USP46: variants seen among roughly 807,000 people sequenced by gnomAD.
USP46 encodes ubiquitin specific peptidase 46.
USP46 carries 12 observed loss-of-function variants against 44.4 expected under a neutral mutation model. The observed-to-expected ratio is 0.27, with a 90% CI of 0.17 to 0.44. The LOEUF (loss-of-function observed/expected upper bound fraction) is 0.44. Among genes scored for constraint, USP46 ranks in the 20% least tolerant of loss-of-function variants. The probability of loss-of-function intolerance (pLI) is 1.00; values close to 1 mark genes in which losing one functional copy is unlikely to be tolerated. For synonymous variants in USP46, 155 were observed against 161.5 expected (o/e 0.96, Z 0.31); for missense variants, 248 against 444.8 (o/e 0.56, Z 3.98).
chr4:52,610,918 T>G (rs546929984), intron 4 of USP46, among the ~76,000 whole-genome samples: 1 of 152,140 alleles, frequency 6.6e-6, no homozygotes, highest in Non-Finnish European at 1.5e-5. Flanking sequence ...GTAGGGAGTA[T>G]TATTAAATAT....
chr4:52,626,656 G>A (rs1717599346), intron 3 of USP46, among the ~76,000 whole-genome samples: 1 of 152,118 alleles, frequency 6.6e-6, no homozygotes, highest in South Asian at 2.1e-4. Context: ...AGGATGGACA[G>A]GTATGGAATA....
Position 52,592,355 on chromosome 4 carries a change from C to A in USP46, c.*5285G>T, listed in dbSNP as rs1258651055. ...TGGGCTATCTTTAGTACTAACCCCA[C>A]AACCAAAATTTTCCTTCAGTAAAAG... On this transcript the variant is annotated 3_prime_UTR_variant, in exon 9 of 9. Transcript: ENST00000441222. 2 of 152,212 alleles carry A rather than the reference C, an allele frequency of 1.3e-5. No homozygotes were observed. The highest frequency in any genetic ancestry group is 2.9e-5 in the Non-Finnish European group (2 of 68,048). The allele number at this position is 152,212 out of a possible 1,614,324, so 9.4% of individuals were successfully genotyped here.
chr4:52,635,806 T>C (rs1047706832), intron 1 of USP46, among the ~76,000 whole-genome samples: 2 of 152,148 alleles, frequency 1.3e-5, no homozygotes, highest in African/African-American at 4.8e-5. Context: ...TAAACAACTG[T>C]TTATTCTGAA....
intron 5 of USP46, among the ~76,000 whole-genome samples, chr4:52,605,321 G>C (rs757030762): frequency 6.6e-6 from 1 of 152,004 alleles, no homozygotes; most frequent in Non-Finnish European, 1.5e-5. Flanking sequence ...TGCTACTTAC[G>C]GTTTTTATTT....
chr4:52,620,132 G>A (rs1717325302), intron 4 of USP46, among the ~76,000 whole-genome samples: 1 of 152,144 alleles, frequency 6.6e-6, no homozygotes, highest in African/African-American at 2.4e-5. Context: ...TAACAAGCTA[G>A]GTAAAAGCTT....
Position 52,597,065 on chromosome 4 carries a change from T to C in USP46, c.*575A>G, listed in dbSNP as rs1051486401. On this transcript the variant is annotated 3_prime_UTR_variant, in exon 9 of 9. Coordinates refer to ENST00000441222, the MANE Select transcript of USP46 (RefSeq NM_022832.4). ...CACCAGCCGCCACGGACAGCTTCTCTTCACCCTGTTTCATGTCAAGGATGA... is the reference window on the plus strand; with the variant it reads ...CACCAGCCGCCACGGACAGCTTCTCCTCACCCTGTTTCATGTCAAGGATGA... 1.4e-4 allele frequency: 21 copies of C among 153,536 alleles called. No homozygotes were observed. Among genetic ancestry groups the C allele is most frequent in the African/African-American group, 4.8e-4 (20 of 41,468 alleles). 9.5% of individuals were successfully genotyped at this position (153,536 alleles called of 1,614,324 possible).
intron 5 of USP46, among the ~76,000 whole-genome samples, chr4:52,610,027 G>A (rs560363377): frequency 7.5e-5 from 10 of 132,578 alleles, no homozygotes; most frequent in South Asian, 2.6e-4. Context: ...CCGGGTTCAC[G>A]CCATTCTCCT....
chr4:52,610,504 C>T, intron 5 of USP46, 37 bp downstream of exon 5: 1 of 1,587,506 alleles, frequency 6.3e-7, no homozygotes, highest in Non-Finnish European at 8.6e-7. Flanking sequence ...AGTTACAAGC[C>T]TGATCAAAAG....
In USP46 at chr4:52,597,618, A is replaced by G. The variant is rs1418845866; in HGVS notation, c.*22T>C. Reference sequence around the variant, plus strand: ...TGCTGTGAACATTCTCCCCACGTGAATCAGTCCCGCAGGTCTTTCAGTTAC... The same window carrying G: ...TGCTGTGAACATTCTCCCCACGTGAGTCAGTCCCGCAGGTCTTTCAGTTAC... On this transcript the variant is annotated 3_prime_UTR_variant, in exon 9 of 9. Transcript: ENST00000441222. The G allele has an allele frequency of 6.6e-7, 1 of 1,516,002 alleles. No individual in the cohort carries two copies. The highest frequency in any genetic ancestry group is 9.0e-7 in the Non-Finnish European group (1 of 1,111,876). The allele number at this position is 1,516,002 out of a possible 1,614,324, so 93.9% of individuals were successfully genotyped here. A position where few individuals can be genotyped will look rare whatever the true frequency, so the allele number is the denominator to read the frequency against.
At chr4:52,623,857 T>C (rs563005173) in intron 4 of USP46, among the ~76,000 whole-genome samples, 29 of 152,096 alleles carry the variant, frequency 1.9e-4, no homozygotes, top group Middle Eastern at 6.8e-3. Context: ...GAGGCAGAGG[T>C]TGGAGCGAGC....
intron 7 of USP46, 130 bp downstream of exon 7, chr4:52,601,727 C>CT (rs1716480212): frequency 3.2e-5 from 26 of 825,184 alleles, no homozygotes; most frequent in Middle Eastern, 7.7e-4. Flanking sequence ...TTGTGATGAT[C>CT]AGTAAGAGTT....
intron 1 of USP46, chr4:52,655,176 G>T (rs921386066): frequency 6.6e-6 from 1 of 152,196 alleles, no homozygotes. Context: ...ACAGCTGCTG[G>T]GAGTTTATTC....
At chr4:52,658,061 C>G (rs1719019782) in intron 1 of USP46, 2 of 357,112 alleles carry the variant, frequency 5.6e-6, no homozygotes, top group East Asian at 7.7e-5. Flanking sequence ...GGAGGTTTTC[C>G]TCAAACTGGC....
At chr4:52,630,695 C>T (rs1577681508) in intron 2 of USP46, among the ~76,000 whole-genome samples, 1 of 146,416 alleles carries the variant, frequency 6.8e-6, no homozygotes, top group Non-Finnish European at 1.5e-5. Flanking sequence ...CAAGATTGTG[C>T]CATTGCACTC....
intron 4 of USP46, among the ~76,000 whole-genome samples, chr4:52,620,913 A>G (rs1484499596): frequency 2.0e-5 from 3 of 152,244 alleles, no homozygotes; most frequent in Non-Finnish European, 4.4e-5. Flanking sequence ...TGGCACATTC[A>G]TGCAACAGAA....
rs1717937675 is a variant in USP46 at position 52,632,976 on chromosome 4, GAAAGAAAGAAAAGAAAAGAAAGAAAGAAA to G, written c.37-1861_37-1833del. 1.4e-4 allele frequency among the ~76,000 whole-genome samples: 11 copies of G among 76,732 alleles called. 1 individual carries two copies. The highest frequency in any genetic ancestry group is 7.2e-4 in the African/African-American group (11 of 15,320). The allele number at this position is 76,732 out of a possible 152,430, so 50.3% of individuals were successfully genotyped here. On this transcript the variant is annotated intron_variant, in intron 1 of 8. Transcript: ENST00000441222. ...AGAAAGAAAGAAAGAAAGAAAGAAA[GAAAGAAAGAAAAGAAAAGAAAGAAAGAAA>G]GAAAGAAAGAAAGAAAGAAAGAAAA...
intron 5 of USP46, among the ~76,000 whole-genome samples, chr4:52,607,856 G>T (rs1716753979): frequency 6.6e-6 from 1 of 152,190 alleles, no homozygotes; most frequent in African/African-American, 2.4e-5. Flanking sequence ...CAGAAGCCAA[G>T]CAGATGCCAG....
At chr4:52,607,735 C>T (rs1252251229) in intron 5 of USP46, among the ~76,000 whole-genome samples, 2 of 152,004 alleles carry the variant, frequency 1.3e-5, no homozygotes, top group East Asian at 1.9e-4. Flanking sequence ...AAGATCTGGC[C>T]GTTTAAAAGT....
At position 52,659,193 on chromosome 4, in the gene USP46, G is replaced by A. The variant is rs377293826; in HGVS notation, c.-43C>T. The A allele has an allele frequency of 6.6e-7, 1 of 1,514,278 alleles. No individual in the cohort carries two copies. The highest frequency in any genetic ancestry group is 8.9e-7 in the Non-Finnish European group (1 of 1,129,316). 93.8% of individuals were successfully genotyped at this position (1,514,278 alleles called of 1,614,324 possible). A position where few individuals can be genotyped will look rare whatever the true frequency, so the allele number is the denominator to read the frequency against. On this transcript the variant is annotated 5_prime_UTR_variant, in exon 1 of 9. Coordinates refer to ENST00000441222, the MANE Select transcript of USP46 (RefSeq NM_022832.4). This position sits in a 1 kb window ranked among gnomAD's most constrained non-coding sequence, Gnocchi z 4.2. Reference sequence around the variant, plus strand: ...CGATCCCTCACCGCCATCTTTACAAGGGGAAACCGGGACTGCCCATGGTGG... The same window carrying A: ...CGATCCCTCACCGCCATCTTTACAAAGGGAAACCGGGACTGCCCATGGTGG...
Sources: gnomAD v4.1 joint callset for allele counts (sites outside exome capture counted in the v4.1 genomes callset) on GRCh38, gnomAD v4.1.1 for gene constraint, Gnocchi (gnomAD v3.1) non-coding constraint, MANE v1.5 for transcripts, NCBI Gene and HGNC (gene_info 2026-07-23, HGNC 2026-07-21) for gene names.